The following PCDHGA1 variants were observed in gnomAD, a reference collection of about 807,000 sequenced individuals.
PCDHGA1 encodes protocadherin gamma subfamily A, 1.
Under a neutral mutation model 58.0 loss-of-function variants are expected in PCDHGA1, and 32 were observed. The ratio of observed to expected loss-of-function variants is 0.55; its 90% CI spans 0.42 to 0.74. PCDHGA1 has a LOEUF of 0.74. PCDHGA1 is among the 30% of genes least tolerant of loss of function. PCDHGA1 has a pLI of 0.00. For synonymous variants in PCDHGA1, 498 were observed against 501.1 expected (o/e 0.99, Z 0.08); for missense variants, 1,205 against 1,182.3 (o/e 1.02, Z -0.28).
At chr5:141,395,972 A>G (rs974737736) in intron 1 of PCDHGA1, 1 of 152,218 alleles carries the variant, frequency 6.6e-6, no homozygotes, top group African/African-American at 2.4e-5. Flanking sequence ...CAAAAACATT[A>G]GATCTGAATT....
At position 141,450,754 on chromosome 5, in the gene PCDHGA1, C is replaced by T. The variant is rs192088793; in HGVS notation, c.2422-44053C>T. Among the ~76,000 whole-genome samples, 54 of 151,098 alleles carry T rather than the reference C, an allele frequency of 3.6e-4. 1 individual carries two copies. Among genetic ancestry groups the T allele is most frequent in the African/African-American group, 1.1e-3 (47 of 41,192 alleles). ...CGCCCGCCTTGGCCTCCCAAAGTGC[C>T]GGGATTACAGGCATGAGCCACCGTG... On this transcript the variant is annotated intron_variant, in intron 1 of 3. Transcript: ENST00000517417.
chr5:141,341,088 C>A (rs770182592), intron 1 of PCDHGA1: 3 of 1,614,104 alleles, frequency 1.9e-6, no homozygotes, highest in African/African-American at 1.3e-5. Flanking sequence ...GTCTTCCTGG[C>A]CTTCGTCATC....
chr5:141,356,149 A>G (rs778376727), intron 1 of PCDHGA1: 40 of 1,613,418 alleles, frequency 2.5e-5, no homozygotes, highest in Non-Finnish European at 3.2e-5. Flanking sequence ...ATTCTATGAC[A>G]TAGATGTAGA....
In PCDHGA1 at chr5:141,346,456, A is replaced by T. The variant is rs1338617478; in HGVS notation, c.2421+13351A>T. The T allele has an allele frequency of 2.3e-5, 37 of 1,614,084 alleles. No homozygotes were observed. Among genetic ancestry groups the T allele is most frequent in the Non-Finnish European group, 2.6e-5 (31 of 1,180,036 alleles). On this transcript the variant is annotated intron_variant, in intron 1 of 3. Transcript: ENST00000517417. ...ATGAAAGGAGATTCCAACCTACTTC[A>T]GGTGAGTTTATTTATTTCTTTGATT...
At chr5:141,450,792 G>T (rs1222162745) in intron 1 of PCDHGA1, among the ~76,000 whole-genome samples, 2 of 149,686 alleles carry the variant, frequency 1.3e-5, no homozygotes, top group Non-Finnish European at 3.0e-5. Context: ...CGGACCTCAT[G>T]ATTGTATTTA....
chr5:141,350,442 C>T, intron 1 of PCDHGA1: 1 of 1,610,734 alleles, frequency 6.2e-7, no homozygotes, highest in South Asian at 1.1e-5. Flanking sequence ...GAGTTGCCAA[C>T]TCGAAAACTG....
chr5:141,478,660 T>C, intron 1 of PCDHGA1: 2 of 1,551,848 alleles, frequency 1.3e-6, no homozygotes, highest in Non-Finnish European at 1.7e-6. Flanking sequence ...TGGTGATGCA[T>C]TCACACTTTC....
chr5:141,503,209 C>T (rs963237902), intron 2 of PCDHGA1, among the ~76,000 whole-genome samples: 3 of 152,020 alleles, frequency 2.0e-5, no homozygotes, highest in African/African-American at 7.3e-5. Context: ...TCTCAGTGCC[C>T]ACCATGAGCA....
intron 1 of PCDHGA1, chr5:141,414,590 G>A: frequency 6.2e-7 from 1 of 1,613,936 alleles, no homozygotes; most frequent in Non-Finnish European, 8.5e-7. Flanking sequence ...AACGCCAGGG[G>A]TGCCTCCATC....
chr5:141,441,672 GCCTTCGA>G (rs1327551430), intron 1 of PCDHGA1: 1 of 290,468 alleles, frequency 3.4e-6, no homozygotes, highest in Non-Finnish European at 6.8e-6. Flanking sequence ...CGCACAGTGC[GCCTTCGA>G]CCAAGAGCAG....
At chr5:141,392,896 G>C in intron 1 of PCDHGA1, 2 of 1,613,812 alleles carry the variant, frequency 1.2e-6, no homozygotes, top group South Asian at 1.1e-5. Flanking sequence ...GAAATCGGGA[G>C]GGGACAGATT....
chr5:141,506,435 G>T (rs1470687416), intron 3 of PCDHGA1, among the ~76,000 whole-genome samples: 1 of 126,234 alleles, frequency 7.9e-6, no homozygotes, highest in Non-Finnish European at 1.6e-5. Context: ...CAACAGTCTC[G>T]CTCTGTCTCA....
At chr5:141,456,700 C>T (rs1420857227) in intron 1 of PCDHGA1, among the ~76,000 whole-genome samples, 1 of 152,060 alleles carries the variant, frequency 6.6e-6, no homozygotes, top group Admixed American at 6.6e-5. Flanking sequence ...CGTGGTGGCT[C>T]GCGCCTGTAA....
At chr5:141,388,706 TGCC>T (rs2091460898) in intron 1 of PCDHGA1, 2 of 1,613,856 alleles carry the variant, frequency 1.2e-6, no homozygotes, top group Non-Finnish European at 1.7e-6. Flanking sequence ...AGGGTGTCAA[TGCC>T]GAGATTACTT....
chr5:141,397,974 C>A (rs1248429844), intron 1 of PCDHGA1: 3 of 1,174,340 alleles, frequency 2.6e-6, no homozygotes, highest in African/African-American at 1.6e-5. Flanking sequence ...TCCCCAGCGC[C>A]GGCCTTTACA....
intron 1 of PCDHGA1, chr5:141,384,915 G>C (rs1460379128): frequency 1.2e-6 from 2 of 1,613,914 alleles, no homozygotes; most frequent in Non-Finnish European, 1.7e-6. Context: ...CCGAAGTCTT[G>C]GCCGACCTGG....
chr5:141,373,122 C>T (rs1449230885), intron 1 of PCDHGA1, among the ~76,000 whole-genome samples: 5 of 152,156 alleles, frequency 3.3e-5, no homozygotes, highest in African/African-American at 1.2e-4. Flanking sequence ...CAGAATTAGA[C>T]CCAAATCCTC....
At chr5:141,458,459 A>G (rs1232004043) in intron 1 of PCDHGA1, among the ~76,000 whole-genome samples, 1 of 152,006 alleles carries the variant, frequency 6.6e-6, no homozygotes, top group African/African-American at 2.4e-5. Flanking sequence ...AATTTTTAAA[A>G]TACCGTACAA....
chr5:141,416,722 A>G (rs891558095), intron 1 of PCDHGA1: 3 of 152,258 alleles, frequency 2.0e-5, no homozygotes, highest in Admixed American at 6.5e-5. Context: ...TGATGAGTTC[A>G]TTTAGTTCAA....
Sources: allele counts gnomAD v4.1 joint callset (sites outside exome capture counted in the v4.1 genomes callset), GRCh38; gene constraint gnomAD v4.1.1; transcripts MANE v1.5; gene names NCBI Gene and HGNC (gene_info 2026-07-23, HGNC 2026-07-21).